Variants in CCDC60 observed in about 807,000 individuals in gnomAD.
CCDC60 encodes coiled-coil domain-containing protein 60.
In CCDC60, 54 loss-of-function variants were observed where a neutral mutation model predicts 63.5. That is an observed-to-expected ratio of 0.85 (90% CI 0.68 to 1.07). CCDC60 has a LOEUF of 1.07. Ranked by LOEUF, CCDC60 falls within the 50% of genes least tolerant of loss-of-function variation. The probability of loss-of-function intolerance (pLI) is 0.00; values close to 1 mark genes in which losing one functional copy is unlikely to be tolerated. For synonymous variants in CCDC60, 206 were observed against 238.8 expected (o/e 0.86, Z 1.27); for missense variants, 651 against 684.3 (o/e 0.95, Z 0.54).
At chr12:119,497,850 C>T (rs184875040) in intron 5 of CCDC60, among the ~76,000 whole-genome samples, 23 of 152,146 alleles carry the variant, frequency 1.5e-4, no homozygotes, top group Admixed American at 1.5e-3. Flanking sequence ...AGGATTGCTC[C>T]TTCTTCTGGC....
intron 1 of CCDC60, among the ~76,000 whole-genome samples, chr12:119,363,012 C>T (rs756279004): frequency 3.3e-5 from 5 of 152,316 alleles, no homozygotes; most frequent in East Asian, 3.9e-4. Context: ...GCAGGAGAAT[C>T]GCTTGAATGC....
chr12:119,399,875 C>A (rs1346310904), intron 1 of CCDC60, among the ~76,000 whole-genome samples: 3 of 152,070 alleles, frequency 2.0e-5, no homozygotes, highest in African/African-American at 7.2e-5. Context: ...TAAAACATAC[C>A]CCTACACACC....
intron 2 of CCDC60, among the ~76,000 whole-genome samples, chr12:119,453,801 G>A (rs12308927): frequency 0.21 from 31,469 of 151,882 alleles, 3,393 homozygotes; most frequent in Admixed American, 0.27. Flanking sequence ...GGAGAGGGAA[G>A]GGAAGAGGAG....
At chr12:119,382,406 C>T (rs1207191787) in intron 1 of CCDC60, among the ~76,000 whole-genome samples, 2 of 152,196 alleles carry the variant, frequency 1.3e-5, no homozygotes, top group African/African-American at 4.8e-5. Flanking sequence ...CTGTCTTCAT[C>T]CCAATAAGTC....
At chr12:119,450,332 A>C (rs950870718) in intron 2 of CCDC60, among the ~76,000 whole-genome samples, 1 of 152,236 alleles carries the variant, frequency 6.6e-6, no homozygotes, top group Non-Finnish European at 1.5e-5. Flanking sequence ...TGATGGCTAC[A>C]TTAAAAGCAC....
chr12:119,348,241 T>C (rs1283630694), intron 1 of CCDC60, among the ~76,000 whole-genome samples: 1 of 152,170 alleles, frequency 6.6e-6, no homozygotes, highest in East Asian at 1.9e-4. Context: ...AATATGGCAT[T>C]CTCATAGAGA....
At chr12:119,343,854 A>G (rs1001336586) in intron 1 of CCDC60, among the ~76,000 whole-genome samples, 1 of 151,922 alleles carries the variant, frequency 6.6e-6, no homozygotes, top group African/African-American at 2.4e-5. Context: ...GGGGCGTATT[A>G]CCATTCTCCT....
chr12:119,427,483 T>C (rs937327021), intron 1 of CCDC60, among the ~76,000 whole-genome samples: 2 of 152,240 alleles, frequency 1.3e-5, no homozygotes, highest in African/African-American at 4.8e-5. Context: ...AGATGTAAAG[T>C]TGTTTTCCAA....
At chr12:119,391,901 C>T (rs139100890) in intron 1 of CCDC60, among the ~76,000 whole-genome samples, 88 of 152,232 alleles carry the variant, frequency 5.8e-4, no homozygotes, top group African/African-American at 2.0e-3. Flanking sequence ...TTGTGTGGCA[C>T]GTCTGAGTGC....
At chr12:119,407,127 C>T (rs1956507440) in intron 1 of CCDC60, among the ~76,000 whole-genome samples, 1 of 152,082 alleles carries the variant, frequency 6.6e-6, no homozygotes, top group East Asian at 1.9e-4. Context: ...GCATGAATGT[C>T]CCATCCAGGT....
At chr12:119,463,638 G>A (rs555953820) in intron 2 of CCDC60, among the ~76,000 whole-genome samples, 1 of 152,224 alleles carries the variant, frequency 6.6e-6, no homozygotes, top group Admixed American at 6.5e-5. Flanking sequence ...TACCGCAGAC[G>A]CGAAATCCCA....
At chr12:119,390,424 A>G (rs954881250) in intron 1 of CCDC60, among the ~76,000 whole-genome samples, 1 of 152,278 alleles carries the variant, frequency 6.6e-6, no homozygotes, top group South Asian at 2.1e-4. Flanking sequence ...CCACCATTCT[A>G]TACATCACAT....
At chr12:119,393,647 A>G (rs1317316296) in intron 1 of CCDC60, among the ~76,000 whole-genome samples, 1 of 152,244 alleles carries the variant, frequency 6.6e-6, no homozygotes, top group Non-Finnish European at 1.5e-5. Context: ...AGAGCAAGAC[A>G]CAGGGAAAGC....
At chr12:119,360,394 C>A (rs1329357741) in intron 1 of CCDC60, among the ~76,000 whole-genome samples, 1 of 86,874 alleles carries the variant, frequency 1.2e-5, no homozygotes, top group Non-Finnish European at 2.2e-5. Flanking sequence ...GGGGGGCTGA[C>A]CCCCCCACCT....
At chr12:119,516,759 C>T (rs1309715658) in intron 8 of CCDC60, 52 bp downstream of exon 8, 2 of 1,267,742 alleles carry the variant, frequency 1.6e-6, no homozygotes, top group Non-Finnish European at 2.3e-6. Flanking sequence ...ATAGCAATCA[C>T]ATTAACAGTA....
intron 2 of CCDC60, among the ~76,000 whole-genome samples, chr12:119,434,297 G>A (rs1950288140): frequency 2.0e-5 from 3 of 152,020 alleles, no homozygotes; most frequent in African/African-American, 7.2e-5. Flanking sequence ...TGGCAGGGGG[G>A]TTAGGCACTT....
At chr12:119,397,699 C>A (rs562246995) in intron 1 of CCDC60, among the ~76,000 whole-genome samples, 1 of 131,762 alleles carries the variant, frequency 7.6e-6, no homozygotes, top group East Asian at 2.3e-4. Flanking sequence ...GCCGGCCAGT[C>A]CCACCCCGCT....
chr12:119,386,573 G>A (rs927042476), intron 1 of CCDC60, among the ~76,000 whole-genome samples: 2 of 151,968 alleles, frequency 1.3e-5, no homozygotes, highest in African/African-American at 4.8e-5. Context: ...CGCACCAAAG[G>A]TGCACATCTT....
intron 2 of CCDC60, among the ~76,000 whole-genome samples, chr12:119,439,098 G>C: frequency 7.4e-6 from 1 of 134,888 alleles, no homozygotes; most frequent in Non-Finnish European, 1.5e-5. Context: ...GAAGATGCAG[G>C]ATGAGATCTT....
Sources: gnomAD v4.1 joint callset for allele counts (sites outside exome capture counted in the v4.1 genomes callset) on GRCh38, gnomAD v4.1.1 for gene constraint, MANE v1.5 for transcripts, NCBI Gene and HGNC (gene_info 2026-07-23, HGNC 2026-07-21) for gene names.